Variants in NIPA1 observed in about 807,000 individuals in gnomAD.
NIPA1 encodes the protein NIPA magnesium transporter 1, also known as magnesium transporter NIPA1.
NIPA1 carries 13 observed loss-of-function variants against 23.9 expected under a neutral mutation model. The ratio of observed to expected loss-of-function variants is 0.54; its 90% CI spans 0.35 to 0.87. The LOEUF is 0.87. Among genes scored for constraint, NIPA1 ranks in the 40% least tolerant of loss-of-function variants. The pLI is 0.01. For missense variants in NIPA1, 362 were observed against 429.7 expected, an observed-to-expected ratio of 0.84 and a Z score of 1.39; for synonymous variants, 234 against 202.9, an observed-to-expected ratio of 1.15 and a Z score of -1.30.
At chr15:22,809,220 C>G (rs936162621) in intron 1 of NIPA1, among the ~76,000 whole-genome samples, 2 of 151,928 alleles carry the variant, frequency 1.3e-5, no homozygotes, top group Admixed American at 6.6e-5. Context: ...AACCCCCTCT[C>G]TACTAAAAAT....
chr15:22,817,850 A>G (rs72699905), intron 3 of NIPA1, among the ~76,000 whole-genome samples: 34,353 of 151,970 alleles, frequency 0.23, 4,918 homozygotes, highest in Non-Finnish European at 0.32. Context: ...AGCAGTGAGC[A>G]AACCAAAAAT....
intron 1 of NIPA1, among the ~76,000 whole-genome samples, chr15:22,802,729 A>G (rs1051602919): frequency 1.8e-4 from 27 of 151,850 alleles, no homozygotes; most frequent in African/African-American, 6.5e-4. Flanking sequence ...CAAGGTGCCT[A>G]CTCTTCTGAT....
At position 22,824,140 on chromosome 15, in the gene NIPA1, A is replaced by G. The variant is rs767249325; in HGVS notation, c.891A>G (p.Gly297=). The G allele has an allele frequency of 6.2e-7, 1 of 1,613,878 alleles. No individual in the cohort carries two copies. Among genetic ancestry groups the G allele is most frequent in the Non-Finnish European group, 8.5e-7 (1 of 1,179,754 alleles). ...GLVDFLGMAC[G]FTTVSVGIVL... is the part of the protein sequence containing the mutation. ...TGGACTTCTTGGGGATGGCCTGTGG[A>G]TTCACGACCGTCTCCGTGGGGATTG... The change falls in exon 5 of 5, where the codon GGA becomes GGG. Residue 297 remains glycine, a synonymous_variant. Transcript: ENST00000337435. This position sits in a 1 kb window ranked among gnomAD's most constrained non-coding sequence, Gnocchi z 4.1.
Position 22,825,366 on chromosome 15 carries a change from C to A in NIPA1, c.*1127C>A, listed in dbSNP as rs1059774. The A allele has an allele frequency of 6.6e-6, 1 of 152,042 alleles. No homozygotes were observed. Among genetic ancestry groups the A allele is most frequent in the South Asian group, 2.1e-4 (1 of 4,832 alleles). The allele number at this position is 152,042 out of a possible 1,614,324, so 9.4% of individuals were successfully genotyped here. A position where few individuals can be genotyped will look rare whatever the true frequency, so the allele number is the denominator to read the frequency against. On this transcript the variant is annotated 3_prime_UTR_variant, in exon 5 of 5. Coordinates refer to ENST00000337435, the MANE Select transcript of NIPA1 (RefSeq NM_144599.5). ...AGAAACATGGTTACGTGGTTCATGA[C>A]TGTATATTCACTGGAAGATAGTCAA...
intron 1 of NIPA1, among the ~76,000 whole-genome samples, chr15:22,791,195 A>G (rs1425618335): frequency 6.6e-6 from 1 of 152,086 alleles, no homozygotes; most frequent in Non-Finnish European, 1.5e-5. Flanking sequence ...TGATCTCTCA[A>G]GTTGCCCGCT....
chr15:22,787,002 TG>T (rs1894721976), intron 1 of NIPA1, among the ~76,000 whole-genome samples, 168 bp downstream of exon 1: 1 of 151,582 alleles, frequency 6.6e-6, no homozygotes, highest in Non-Finnish European at 1.5e-5. Context: ...GTGCCCAGGC[TG>T]CCGCCGCGTC....
intron 1 of NIPA1, among the ~76,000 whole-genome samples, chr15:22,799,778 T>G (rs1895030375): frequency 7.3e-6 from 1 of 136,168 alleles, no homozygotes; most frequent in Admixed American, 7.8e-5. Flanking sequence ...CAAGACTCTG[T>G]CTCAAAAAAA....
intron 1 of NIPA1, among the ~76,000 whole-genome samples, chr15:22,795,107 A>C (rs1245344562): frequency 2.0e-5 from 3 of 151,992 alleles, no homozygotes; most frequent in Non-Finnish European, 4.4e-5. Flanking sequence ...CTCGGAGCTG[A>C]CCTTACTTAC....
At chr15:22,813,424 C>G (rs575758349) in intron 3 of NIPA1, among the ~76,000 whole-genome samples, 1 of 152,218 alleles carries the variant, frequency 6.6e-6, no homozygotes, top group East Asian at 1.9e-4. Flanking sequence ...TGGAGGGCTG[C>G]AAGCCATCAA....
chr15:22,819,873 C>T (rs1352310565), intron 3 of NIPA1, among the ~76,000 whole-genome samples: 1 of 152,132 alleles, frequency 6.6e-6, no homozygotes, highest in East Asian at 1.9e-4. Context: ...GTATCATTAA[C>T]TACGTAGTGG....
rs1895650391 is a variant in NIPA1, at chr15:22,826,276, T to C, written c.*2037T>C. On this transcript the variant is annotated 3_prime_UTR_variant, in exon 5 of 5. Transcript: ENST00000337435. ...ACTGAGAGCAGCAACAACATTATTT[T>C]TTAAAAATCTTAAATCCTCTCAATG... The C allele has an allele frequency of 1.0e-5, 1 of 99,046 alleles. No homozygotes were observed. Among genetic ancestry groups the C allele is most frequent in the Non-Finnish European group, 2.2e-5 (1 of 44,638 alleles). The allele number at this position is 99,046 out of a possible 1,614,324, so 6.1% of individuals were successfully genotyped here.
At chr15:22,793,526 C>T (rs1173902827) in intron 1 of NIPA1, among the ~76,000 whole-genome samples, 1 of 151,730 alleles carries the variant, frequency 6.6e-6, no homozygotes, top group African/African-American at 2.4e-5. Flanking sequence ...CTGCAACCTC[C>T]ACCTGCCAGG....
intron 1 of NIPA1, among the ~76,000 whole-genome samples, chr15:22,792,384 A>C (rs1894848435): frequency 6.6e-6 from 1 of 150,756 alleles, no homozygotes; most frequent in Non-Finnish European, 1.5e-5. Context: ...TTTGAGACGG[A>C]GTCTCGCTCT....
intron 4 of NIPA1, among the ~76,000 whole-genome samples, chr15:22,822,916 T>G (rs976262752): frequency 7.0e-5 from 9 of 127,724 alleles, no homozygotes; most frequent in Non-Finnish European, 1.3e-4. Flanking sequence ...TGGTTTTTTT[T>G]TTTTTTTTTT....
chr15:22,791,816 C>A (rs1894834286), intron 1 of NIPA1, among the ~76,000 whole-genome samples: 1 of 152,168 alleles, frequency 6.6e-6, no homozygotes, highest in Non-Finnish European at 1.5e-5. Context: ...ATACACAGTA[C>A]AACTCCCAGT....
At chr15:22,814,864 T>G (rs1458738611) in intron 3 of NIPA1, among the ~76,000 whole-genome samples, 1 of 152,218 alleles carries the variant, frequency 6.6e-6, no homozygotes, top group Non-Finnish European at 1.5e-5. Flanking sequence ...ACACTTTCTC[T>G]GTATCTGGGT....
rs921358168 is a variant in NIPA1, at chr15:22,809,232, C to G, written c.179-1517C>G. On this transcript the variant is annotated intron_variant, in intron 1 of 4. Coordinates refer to ENST00000337435, the MANE Select transcript of NIPA1 (RefSeq NM_144599.5). The stretch of plus-strand genomic sequence containing the variant: ...CAAAACCCCCTCTCTACTAAAAATA[C>G]AAAAATTAGCCGCACGTGGTGGTGC... 3.3e-5 allele frequency among the ~76,000 whole-genome samples: 5 copies of G among 151,778 alleles called. No individual in the cohort carries two copies. In the South Asian group the frequency reaches 1.0e-3, roughly 32 times the overall value.
intron 4 of NIPA1, among the ~76,000 whole-genome samples, chr15:22,823,307 T>C (rs1411583783): frequency 6.6e-6 from 1 of 150,652 alleles, no homozygotes; most frequent in Non-Finnish European, 1.5e-5. Context: ...CTCCACCCCC[T>C]AGGTTCAAGT....
chr15:22,803,684 T>G, intron 1 of NIPA1, among the ~76,000 whole-genome samples: 1 of 139,100 alleles, frequency 7.2e-6, no homozygotes, highest in South Asian at 2.4e-4. Context: ...AATTTTTTTT[T>G]TTTTTTTTTT....
Sources: gnomAD v4.1 joint callset for allele counts (sites outside exome capture counted in the v4.1 genomes callset) on GRCh38, gnomAD v4.1.1 for gene constraint, Gnocchi (gnomAD v3.1) non-coding constraint, MANE v1.5 for transcripts, NCBI Gene and HGNC (gene_info 2026-07-23, HGNC 2026-07-21) for gene names.